Variants in MXRA7 observed in about 807,000 individuals in gnomAD.
MXRA7 encodes matrix-remodeling-associated protein 7.
A neutral mutation model predicts 17.4 loss-of-function variants in MXRA7; 18 were observed. The observed-to-expected ratio is 1.03, with a 90% CI of 0.71 to 1.53. The LOEUF is 1.53. MXRA7 is among the 40% of genes most tolerant of loss of function. MXRA7 has a pLI of 0.00. For missense variants in MXRA7, 141 were observed against 209.3 expected, an observed-to-expected ratio of 0.67 and a Z score of 2.01; for synonymous variants, 70 against 101.7, an observed-to-expected ratio of 0.69 and a Z score of 1.87.
chr17:76,693,767 G>C (rs1360500103), intron 1 of MXRA7, among the ~76,000 whole-genome samples: 1 of 150,964 alleles, frequency 6.6e-6, no homozygotes, highest in Non-Finnish European at 1.5e-5. Flanking sequence ...CTTGAGCCCA[G>C]GAGGTCAAGG....
chr17:76,701,387 A>C (rs2076589811), intron 1 of MXRA7, among the ~76,000 whole-genome samples: 1 of 151,810 alleles, frequency 6.6e-6, no homozygotes. Flanking sequence ...GAGATGAGGA[A>C]TGCCGGGTGG....
chr17:76,683,329 C>T (rs73996658), intron 3 of MXRA7, among the ~76,000 whole-genome samples: 4,543 of 152,302 alleles, frequency 0.03, 219 homozygotes, highest in African/African-American at 0.1. Context: ...ACTACTGCCA[C>T]GCTGGATTGG....
chr17:76,704,776 C>T (rs1271272257), intron 1 of MXRA7, among the ~76,000 whole-genome samples: 3 of 113,004 alleles, frequency 2.7e-5, no homozygotes, highest in South Asian at 3.1e-4. Context: ...AGCAAAACTC[C>T]GTCTCAAAAA....
At chr17:76,678,843 C>A (rs2076262592), downstream of MXRA7, among the ~76,000 whole-genome samples, 1 of 152,174 alleles carries the variant, frequency 6.6e-6, no homozygotes, top group Non-Finnish European at 1.5e-5. Flanking sequence ...CCCGCATCTT[C>A]CATCCTGCAA....
chr17:76,683,362 T>G (rs2076335250), intron 3 of MXRA7, among the ~76,000 whole-genome samples: 2 of 152,206 alleles, frequency 1.3e-5, no homozygotes, highest in Admixed American at 1.3e-4. Context: ...GGGGATCAGA[T>G]GTGGCCCGGC....
At chr17:76,680,905 G>T (rs948878885) in intron 3 of MXRA7, 26 bp from the exon 4 acceptor site, 3 of 1,570,438 alleles carry the variant, frequency 1.9e-6, no homozygotes, top group South Asian at 2.3e-5. Flanking sequence ...GGGAGAAAAA[G>T]ATAATTTATT....
In MXRA7 at chr17:76,680,476, C is replaced by A. The variant is rs11554224; in HGVS notation, c.*391G>T. 5 of 996,564 alleles carry A rather than the reference C, an allele frequency of 5.0e-6. No homozygotes were observed. In the African/African-American group the frequency reaches 5.2e-5, roughly 10 times the overall value. The allele number at this position is 996,564 out of a possible 1,614,324, so 61.7% of individuals were successfully genotyped here. On this transcript the variant is annotated 3_prime_UTR_variant, in exon 4 of 4. Transcript: ENST00000449428. ...TTCTGTGGTTTGGCTTCAGTGAGGG[C>A]AAAAGAGGGGAGACTGGAGTGAAAG...
At chr17:76,694,769 A>G (rs888886060) in intron 1 of MXRA7, among the ~76,000 whole-genome samples, 6 of 152,086 alleles carry the variant, frequency 3.9e-5, no homozygotes, top group Middle Eastern at 3.2e-3. Flanking sequence ...TATTTTTGGT[A>G]TAGATGAGGT....
intron 2 of MXRA7, among the ~76,000 whole-genome samples, chr17:76,685,546 T>TG (rs1182346757): frequency 6.6e-6 from 1 of 152,176 alleles, no homozygotes; most frequent in African/African-American, 2.4e-5. Flanking sequence ...TGCCTGGGCT[T>TG]GGGGAGGCTT....
At chr17:76,673,808 G>A (rs996737491) in exon 4 of MXRA7, 2 of 152,196 alleles carry the variant, frequency 1.3e-5, no homozygotes, top group African/African-American at 4.8e-5. Context: ...TAGATTGCAT[G>A]TTTTCTTCAG....
At chr17:76,698,828 T>G (rs1259903799) in intron 1 of MXRA7, among the ~76,000 whole-genome samples, 1 of 149,346 alleles carries the variant, frequency 6.7e-6, no homozygotes. Context: ...GTTCAAGAGA[T>G]TCTTCTGCCT....
At chr17:76,684,970 T>C (rs1176622290) in intron 3 of MXRA7, 102 bp downstream of exon 3, 1 of 955,686 alleles carries the variant, frequency 1.0e-6, no homozygotes, top group African/African-American at 1.6e-5. Context: ...CCCCACCTCC[T>C]TTCTGGGCCC....
chr17:76,708,163 G>A (rs1278050670), intron 1 of MXRA7, among the ~76,000 whole-genome samples: 1 of 152,260 alleles, frequency 6.6e-6, no homozygotes, highest in African/African-American at 2.4e-5. Flanking sequence ...ATCCCCAATA[G>A]CAGCTGAAGG....
intron 1 of MXRA7, among the ~76,000 whole-genome samples, chr17:76,703,010 C>T (rs1460126220): frequency 5.3e-5 from 8 of 151,532 alleles, no homozygotes; most frequent in East Asian, 1.9e-4. Context: ...ATTTTCTTCT[C>T]TTGAAGTGGG....
At chr17:76,672,579 T>C (rs774526320) in exon 4 of MXRA7, 12 of 152,138 alleles carry the variant, frequency 7.9e-5, no homozygotes, top group Non-Finnish European at 1.5e-4. Context: ...AAGGTTTTAT[T>C]TGTAGTGGCA....
downstream of MXRA7, among the ~76,000 whole-genome samples, chr17:76,678,818 C>T (rs2076262339): frequency 6.6e-6 from 1 of 152,166 alleles, no homozygotes. Flanking sequence ...TTCACCCTTC[C>T]CTCCTCTCCT....
In MXRA7 at chr17:76,680,431, G is replaced by A. The variant is rs145753561; in HGVS notation, c.*436C>T. ...AGCACAGGTGAGCTCTACCTCATTT[G>A]TCTCTCATTCCTCAAAGTCTTCTGT... On this transcript the variant is annotated 3_prime_UTR_variant, in exon 4 of 4. Transcript: ENST00000449428. 7,014 of 988,314 alleles carry A rather than the reference G, an allele frequency of 7.1e-3. 247 individuals carry two copies. The East Asian group carries it at 0.12, about 17-fold the overall frequency. 61.2% of individuals were successfully genotyped at this position (988,314 alleles called of 1,614,324 possible).
chr17:76,706,344 G>A (rs111576583), intron 1 of MXRA7, among the ~76,000 whole-genome samples: 755 of 51,950 alleles, frequency 0.015, 31 homozygotes, highest in East Asian at 0.024. Context: ...TGCCATCACA[G>A]AGGCCCACTC....
At chr17:76,693,599 A>G (rs2143642406) in intron 1 of MXRA7, among the ~76,000 whole-genome samples, 1 of 152,030 alleles carries the variant, frequency 6.6e-6, no homozygotes, top group South Asian at 2.1e-4. Flanking sequence ...TAATCCCAGC[A>G]CTTTGGGAGG....
Sources: allele counts gnomAD v4.1 joint callset (sites outside exome capture counted in the v4.1 genomes callset), GRCh38; gene constraint gnomAD v4.1.1; transcripts MANE v1.5; gene names NCBI Gene and HGNC (gene_info 2026-07-23, HGNC 2026-07-21).